The following CENPT variants were observed in gnomAD, a reference collection of about 807,000 sequenced individuals.
The protein encoded by CENPT is centromere protein T, also known as interphase centromere complex protein 22.
CENPT carries 42 observed loss-of-function variants against 59.7 expected under a neutral mutation model. The observed-to-expected ratio is 0.70, with a 90% CI of 0.55 to 0.91. The LOEUF is 0.91. Among genes scored for constraint, CENPT ranks in the 40% least tolerant of loss-of-function variants. The pLI, the probability that CENPT is intolerant of heterozygous loss-of-function variation, is 0.00. For synonymous variants in CENPT, 295 were observed against 289.6 expected (o/e 1.02, Z -0.19); for missense variants, 716 against 713.4 (o/e 1.00, Z -0.04).
At position 67,843,373 on chromosome 16, in the gene CENPT, G is replaced by T; in HGVS notation, c.-492+4028C>A. ...GGGACATCCTGGCTCTGATGGAAGTGAAGATGAAAGAGATGAAAGGCAGCA... is the reference window on the plus strand; with the variant it reads ...GGGACATCCTGGCTCTGATGGAAGTTAAGATGAAAGAGATGAAAGGCAGCA... On this transcript the variant is annotated intron_variant, in intron 1 of 15. Coordinates refer to ENST00000562787, the MANE Select transcript of CENPT (RefSeq NM_025082.4). The surrounding 1 kb of genome is among the most constrained non-coding windows in gnomAD (Gnocchi z 5.7). 6.2e-7 allele frequency: 1 copy of T among 1,614,036 alleles called. No individual in the cohort carries two copies. Among genetic ancestry groups the T allele is most frequent in the Non-Finnish European group, 8.5e-7 (1 of 1,180,044 alleles).
Position 67,843,083 on chromosome 16 carries a change from C to T in CENPT, c.-492+4318G>A, listed in dbSNP as rs1169197004. The T allele has an allele frequency of 6.2e-7, 1 of 1,611,286 alleles. No individual in the cohort carries two copies. The highest frequency in any genetic ancestry group is 1.7e-5 in the Admixed American group (1 of 60,028). On this transcript the variant is annotated intron_variant, in intron 1 of 15. Coordinates refer to ENST00000562787, the MANE Select transcript of CENPT (RefSeq NM_025082.4). The surrounding 1 kb of genome is among the most constrained non-coding windows in gnomAD (Gnocchi z 5.7). ...GGCTCCGGGATCCGTACAGCCGGCG[C>T]CCATCACTCCCACTGGAGAAGACGT...
Position 67,832,015 on chromosome 16 carries a change from C to T in CENPT, c.383G>A (p.Gly128Asp), listed in dbSNP as rs749517327. The T allele has an allele frequency of 1.2e-6, 2 of 1,600,450 alleles. No individual in the cohort carries two copies. The highest frequency in any genetic ancestry group is 1.7e-6 in the Non-Finnish European group (2 of 1,171,602). ...VQPSRQESSC[G>D]SLELQLPELE... ...AAGGTGGGGGAGTTCTGTGTACCTG[C>T]CGCAACTGCTCTCTTGTCTGGAGGG... Residue 128 changes from glycine (G) to aspartate (D), a missense_variant, in exon 7 of 16, where the codon GGC becomes GAC. Physicochemically the swap from Gly to Asp is moderately conservative, Grantham distance 94 (BLOSUM62 -1). Transcript: ENST00000562787.
At chr16:67,836,851 C>G (rs573219146) in intron 1 of CENPT, among the ~76,000 whole-genome samples, 1 of 152,086 alleles carries the variant, frequency 6.6e-6, no homozygotes, top group African/African-American at 2.4e-5. Context: ...ACGCCATTCT[C>G]CTGCCTCAGC....
intron 12 of CENPT, 84 bp downstream of exon 12, chr16:67,829,681 G>A: frequency 6.8e-7 from 1 of 1,480,168 alleles, no homozygotes; most frequent in Non-Finnish European, 9.3e-7. Flanking sequence ...CCAGTGCCCG[G>A]AAACACAACC....
Position 67,833,799 on chromosome 16 carries a change from C to G in CENPT, c.61G>C (p.Asp21His). Residue 21 changes from aspartate (D) to histidine (H), a missense_variant, in exon 4 of 16, where the codon GAT (aspartate) becomes CAT (histidine). Asp to His is a moderately conservative substitution (Grantham distance 81). Transcript: ENST00000562787. The part of the protein sequence containing the change: ...TPRTLLRRVL[D>H]TADPRTPRRP... ...CGCGGGGTGCGCGGGTCCGCTGTATCCAGCACGCGTCGCAGCAGCGTGCGC... is the reference window on the plus strand; with the variant it reads ...CGCGGGGTGCGCGGGTCCGCTGTATGCAGCACGCGTCGCAGCAGCGTGCGC... The G allele has an allele frequency of 6.3e-7, 1 of 1,576,776 alleles. No homozygotes were observed.
In CENPT at chr16:67,831,372, G is replaced by C; in HGVS notation, c.561-14C>G. On this transcript the variant is annotated splice_polypyrimidine_tract_variant and intron_variant, in intron 9 of 15. Coordinates refer to ENST00000562787, the MANE Select transcript of CENPT (RefSeq NM_025082.4). ...AGGTTGAGGGATCTGGTGAGGTGGG[G>C]AGGCACAGAGGAAAGTCAGGTACCT... The C allele has an allele frequency of 6.2e-7, 1 of 1,610,274 alleles. No individual in the cohort carries two copies. Among genetic ancestry groups the C allele is most frequent in the Non-Finnish European group, 8.5e-7 (1 of 1,177,330 alleles).
In CENPT at chr16:67,844,516, G is replaced by C. The variant is rs575162986; in HGVS notation, c.-492+2885C>G. On this transcript the variant is annotated intron_variant, in intron 1 of 15. Coordinates refer to ENST00000562787, the MANE Select transcript of CENPT (RefSeq NM_025082.4). ...TATATTGTGATAGTTCGCCTCTGAG[G>C]GTTTCAATTCTCAGCTGGGATTGAA... 3.3e-5 allele frequency among the ~76,000 whole-genome samples: 5 copies of C among 152,302 alleles called. No individual in the cohort carries two copies. The East Asian group carries it at 7.7e-4, about 24-fold the overall frequency.
chr16:67,838,141 T>C (rs1168635619), intron 1 of CENPT, among the ~76,000 whole-genome samples: 1 of 152,196 alleles, frequency 6.6e-6, no homozygotes. Flanking sequence ...TAAGTGTAGA[T>C]GACAGGTGAT....
rs148365424 is a variant in CENPT at position 67,838,677 on chromosome 16, C to T, written c.-491-3019G>A. On this transcript the variant is annotated intron_variant, in intron 1 of 15. Coordinates refer to ENST00000562787, the MANE Select transcript of CENPT (RefSeq NM_025082.4). The stretch of plus-strand genomic sequence containing the variant: ...GCGCGGTGGCTCACACCTGTAATTC[C>T]AGCACTTTGGGAGGCTGAGGTGGGT... Among the ~76,000 whole-genome samples the T allele has an allele frequency of 6.1e-3, 922 of 151,854 alleles. 7 individuals are homozygous for T. Among genetic ancestry groups the T allele is most frequent in the African/African-American group, 0.021 (853 of 41,440 alleles).
At chr16:67,838,420 G>A (rs988034597) in intron 1 of CENPT, among the ~76,000 whole-genome samples, 3 of 151,708 alleles carry the variant, frequency 2.0e-5, no homozygotes, top group African/African-American at 7.3e-5. Flanking sequence ...TCAGGAGTTC[G>A]AGACCAGCCC....
At chr16:67,838,783 C>T (rs940158722) in intron 1 of CENPT, among the ~76,000 whole-genome samples, 2 of 151,444 alleles carry the variant, frequency 1.3e-5, no homozygotes, top group South Asian at 2.1e-4. Context: ...AAAAATTAGT[C>T]GGGTGTAGTG....
At chr16:67,845,205 T>C (rs1429284357) in intron 1 of CENPT, among the ~76,000 whole-genome samples, 4 of 152,140 alleles carry the variant, frequency 2.6e-5, no homozygotes, top group Non-Finnish European at 5.9e-5. Flanking sequence ...AAGCTCTGGG[T>C]TTACTGTGGG....
chr16:67,842,054 G>A lies in CENPT; in HGVS notation c.-492+5347C>T, dbSNP rs1005058504. The A allele has an allele frequency of 1.3e-5, 2 of 152,424 alleles. No homozygotes were observed. Among genetic ancestry groups the A allele is most frequent in the African/African-American group, 4.8e-5 (2 of 41,470 alleles). 9.4% of individuals were successfully genotyped at this position (152,424 alleles called of 1,614,324 possible). A position where few individuals can be genotyped will look rare whatever the true frequency, so the allele number is the denominator to read the frequency against. On this transcript the variant is annotated intron_variant, in intron 1 of 15. Transcript: ENST00000562787. The surrounding 1 kb of genome is among the most constrained non-coding windows in gnomAD (Gnocchi z 4.9). The stretch of plus-strand genomic sequence containing the variant: ...ACCCACCGCGCTTGCGCACCGGTGA[G>A]GCGCGCACCGCCCCGCTCCACGCCC...
chr16:67,843,161 G>A lies in CENPT; in HGVS notation c.-492+4240C>T, dbSNP rs1026996165. ...GGAGTTTGCAGCCGCAGAGGGCGCA[G>A]CCGCTGCGGCCGCCGCGTCGGAGTT... is the stretch of plus-strand genomic sequence containing the variant. On this transcript the variant is annotated intron_variant, in intron 1 of 15. Coordinates refer to ENST00000562787, the MANE Select transcript of CENPT (RefSeq NM_025082.4). The surrounding 1 kb of genome is among the most constrained non-coding windows in gnomAD (Gnocchi z 5.7). The A allele has an allele frequency of 2.5e-6, 4 of 1,609,304 alleles. No homozygotes were observed. The highest frequency in any genetic ancestry group is 2.5e-6 in the Non-Finnish European group (3 of 1,179,392).
chr16:67,829,367 A>T, intron 13 of CENPT, 56 bp downstream of exon 13: 2 of 1,394,066 alleles, frequency 1.4e-6, no homozygotes, highest in Non-Finnish European at 2.0e-6. Flanking sequence ...TGTACACAGC[A>T]TACCCAATGC....
At position 67,828,574 on chromosome 16, in the gene CENPT, C is replaced by G. The variant is rs1240501507; in HGVS notation, c.1462G>C (p.Asp488His). 1 of 1,614,210 alleles carries G rather than the reference C, an allele frequency of 6.2e-7. No homozygotes were observed. Among genetic ancestry groups the G allele is most frequent in the Non-Finnish European group, 8.5e-7 (1 of 1,180,044 alleles). ...KALEMVEKCLDKYFQHLCDDL... is the reference protein window; with the variant it reads ...KALEMVEKCLHKYFQHLCDDL... ...TCACAAAGATGCTGGAAATATTTAT[C>G]TAGGCTGTCAAGAAGGTGGGGATAG... The change falls in exon 15 of 16, where the codon GAT becomes CAT. Residue 488 changes from aspartate to histidine, a missense_variant. Asp to His is a moderately conservative substitution (Grantham distance 81). Coordinates refer to ENST00000562787, the MANE Select transcript of CENPT (RefSeq NM_025082.4).
chr16:67,828,650 A>G lies in CENPT; in HGVS notation c.1457+17T>C. On this transcript the variant is annotated intron_variant, in intron 14 of 15. Transcript: ENST00000562787. Reference sequence around the variant, plus strand: ...CCCGAGGGGTTCCTCTCCCTACCCCATGTGCCCAGGACTCACCACTTCTCC... The same window carrying G: ...CCCGAGGGGTTCCTCTCCCTACCCCGTGTGCCCAGGACTCACCACTTCTCC... 1 of 1,614,120 alleles carries G rather than the reference A, an allele frequency of 6.2e-7. No homozygotes were observed. The highest frequency in any genetic ancestry group is 8.5e-7 in the Non-Finnish European group (1 of 1,179,994).
At chr16:67,830,111 A>G (rs767748216) in intron 11 of CENPT, 23 bp from the exon 12 acceptor site, 1 of 1,610,414 alleles carries the variant, frequency 6.2e-7, no homozygotes, top group South Asian at 1.1e-5. Flanking sequence ...GAGAGAATAC[A>G]GGCCGGAGAC....
rs1300679963 is a variant in CENPT, at chr16:67,839,540, A to G, written c.-491-3882T>C. ...GCACCACTACACGCCAGCCTGGGCA[A>G]CAGAGTGAGACATCGTCTAAGAAAA... is the stretch of plus-strand genomic sequence containing the variant. On this transcript the variant is annotated intron_variant, in intron 1 of 15. Transcript: ENST00000562787. Among the ~76,000 whole-genome samples, 4 of 152,074 alleles carry G rather than the reference A, an allele frequency of 2.6e-5. No homozygotes were observed. In the East Asian group the frequency reaches 7.7e-4, roughly 29 times the overall value.
Sources: gnomAD v4.1 joint callset for allele counts (sites outside exome capture counted in the v4.1 genomes callset) on GRCh38, gnomAD v4.1.1 for gene constraint, Gnocchi (gnomAD v3.1) non-coding constraint, MANE v1.5 for transcripts, NCBI Gene and HGNC (gene_info 2026-07-23, HGNC 2026-07-21) for gene names.